RAB3GAP2: variants seen among roughly 807,000 people sequenced by gnomAD.
The protein encoded by RAB3GAP2 is RAB3 GTPase activating non-catalytic protein subunit 2, also known as rab3 GTPase-activating protein non-catalytic subunit.
Under a neutral mutation model 185.3 loss-of-function variants are expected in RAB3GAP2, and 87 were observed. The observed-to-expected ratio is 0.47, with a 90% CI of 0.39 to 0.56. The LOEUF (loss-of-function observed/expected upper bound fraction) is 0.56. Ranked by LOEUF, RAB3GAP2 falls within the 20% of genes least tolerant of loss-of-function variation. The pLI is 0.00. For synonymous variants in RAB3GAP2, 554 were observed against 576.1 expected (o/e 0.96, Z 0.55); for missense variants, 1,492 against 1,638.2 (o/e 0.91, Z 1.54).
chr1:220,195,510 G>A, intron 10 of RAB3GAP2, 133 bp from the exon 11 acceptor site: 1 of 810,512 alleles, frequency 1.2e-6, no homozygotes, highest in Non-Finnish European at 2.1e-6. Context: ...TTCTTTCAGA[G>A]TACAGTAAAA....
intron 2 of RAB3GAP2, among the ~76,000 whole-genome samples, chr1:220,225,448 C>T (rs1003624320): frequency 3.9e-5 from 6 of 152,148 alleles, no homozygotes; most frequent in Admixed American, 3.9e-4. Context: ...GCGCTATTGA[C>T]ATCTGGGGCC....
At chr1:220,253,206 G>A (rs1659971026) in intron 1 of RAB3GAP2, among the ~76,000 whole-genome samples, 1 of 152,188 alleles carries the variant, frequency 6.6e-6, no homozygotes, top group African/African-American at 2.4e-5. Context: ...CACTGGGTGG[G>A]ACCTCCCAAC....
In RAB3GAP2 at chr1:220,232,842, T is replaced by C; in HGVS notation, c.137A>G (p.Asp46Gly). The change falls in exon 2 of 35, where the codon GAT (aspartate) becomes GGT (glycine). Residue 46 changes from aspartate (D) to glycine (G), a missense_variant. Asp to Gly is a moderately conservative substitution (Grantham distance 94). Around this residue, in one of 5 missense-constraint regions of RAB3GAP2, gnomAD observed 177 missense variants for 160.6 expected, o/e 1.10. Coordinates refer to ENST00000358951, the MANE Select transcript of RAB3GAP2 (RefSeq NM_012414.4). ...RDPSKSTDWE[D>G]DGWGAWEENE... ...TTCTTCCCATGCTCCCCAACCATCA[T>C]CTTCCCAGTCTGTTGATTTACCTGT... The C allele has an allele frequency of 6.2e-7, 1 of 1,613,880 alleles. No homozygotes were observed. The highest frequency in any genetic ancestry group is 8.5e-7 in the Non-Finnish European group (1 of 1,179,808).
chr1:220,188,362 T>C (rs886642689), intron 17 of RAB3GAP2, among the ~76,000 whole-genome samples: 20 of 152,170 alleles, frequency 1.3e-4, no homozygotes, highest in Non-Finnish European at 1.5e-5. Flanking sequence ...TATCCAGTTT[T>C]GATTGAAAGT....
intron 17 of RAB3GAP2, among the ~76,000 whole-genome samples, chr1:220,187,816 AGTAAAAC>A (rs1658533264): frequency 6.6e-6 from 1 of 152,176 alleles, no homozygotes; most frequent in African/African-American, 2.4e-5. Context: ...TAAACGTTCA[AGTAAAAC>A]GTTTCCCTGA....
Position 220,151,595 on chromosome 1 carries a change from A to G in RAB3GAP2, c.4026+11T>C. ...ATGACCTTTTGCCTGATCTCGTTCT[A>G]TTGTACTGACCATTGCTTTCAGCCA... On this transcript the variant is annotated intron_variant, in intron 34 of 34. Coordinates refer to ENST00000358951, the MANE Select transcript of RAB3GAP2 (RefSeq NM_012414.4). The G allele has an allele frequency of 1.2e-6, 2 of 1,605,600 alleles. No homozygotes were observed. Among genetic ancestry groups the G allele is most frequent in the East Asian group, 2.2e-5 (1 of 44,834 alleles).
intron 6 of RAB3GAP2, 69 bp from the exon 7 acceptor site, chr1:220,210,558 C>T (rs759178363): frequency 1.2e-4 from 147 of 1,207,004 alleles, no homozygotes; most frequent in Non-Finnish European, 1.7e-4. Flanking sequence ...TATGGCCAGG[C>T]AAAGAGTACC....
At chr1:220,157,126 C>A (rs1396347060) in intron 31 of RAB3GAP2, 144 bp downstream of exon 31, 1 of 756,422 alleles carries the variant, frequency 1.3e-6, no homozygotes, top group Non-Finnish European at 2.3e-6. Flanking sequence ...AGAACGGAAT[C>A]AAGCAGGGAA....
chr1:220,152,452 C>T (rs770903338), intron 33 of RAB3GAP2, among the ~76,000 whole-genome samples: 1 of 152,214 alleles, frequency 6.6e-6, no homozygotes, highest in Non-Finnish European at 1.5e-5. Context: ...CCCGGGCCAG[C>T]CTCCCTGCCT....
chr1:220,241,619 T>C (rs1300766223), intron 1 of RAB3GAP2, among the ~76,000 whole-genome samples: 2 of 152,010 alleles, frequency 1.3e-5, no homozygotes, highest in Non-Finnish European at 2.9e-5. Flanking sequence ...GTCTAAAGAA[T>C]AGAGAAGCTG....
chr1:220,188,550 T>C (rs1392290982), intron 17 of RAB3GAP2, among the ~76,000 whole-genome samples: 1 of 152,140 alleles, frequency 6.6e-6, no homozygotes, highest in Admixed American at 6.5e-5. Flanking sequence ...GGCAATACCA[T>C]GGAATATTGA....
intron 1 of RAB3GAP2, among the ~76,000 whole-genome samples, chr1:220,236,950 G>A (rs1307642702): frequency 2.0e-5 from 3 of 152,096 alleles, no homozygotes; most frequent in Admixed American, 1.3e-4. Flanking sequence ...CAAACTCTAC[G>A]TCATCATGAA....
intron 21 of RAB3GAP2, among the ~76,000 whole-genome samples, chr1:220,180,643 T>C (rs1053606021): frequency 6.6e-6 from 1 of 152,214 alleles, no homozygotes; most frequent in Non-Finnish European, 1.5e-5. Context: ...GCTGAATTCT[T>C]TCAAACATTC....
At chr1:220,247,141 C>T (rs1256716599) in intron 1 of RAB3GAP2, among the ~76,000 whole-genome samples, 1 of 152,164 alleles carries the variant, frequency 6.6e-6, no homozygotes, top group Non-Finnish European at 1.5e-5. Context: ...AAAAGGGACA[C>T]TCTTACACTG....
At chr1:220,254,374 C>A in intron 1 of RAB3GAP2, 4 of 1,613,036 alleles carry the variant, frequency 2.5e-6, no homozygotes, top group Non-Finnish European at 3.4e-6. Flanking sequence ...ATTATTTGTA[C>A]GAATTGGAGC....
At chr1:220,202,996 A>G (rs1227130743) in intron 8 of RAB3GAP2, among the ~76,000 whole-genome samples, 1 of 152,192 alleles carries the variant, frequency 6.6e-6, no homozygotes, top group African/African-American at 2.4e-5. Context: ...ACTGCATGTG[A>G]TGCCAAGTAA....
chr1:220,168,399 CTTT>C (rs746471692), intron 24 of RAB3GAP2, among the ~76,000 whole-genome samples: 2 of 139,030 alleles, frequency 1.4e-5, no homozygotes, highest in Non-Finnish European at 1.6e-5. Context: ...GTAAATATTC[CTTT>C]TTTTTTTTTT....
chr1:220,210,549 ATGGC>A, intron 6 of RAB3GAP2, 60 bp from the exon 7 acceptor site: 1 of 1,311,850 alleles, frequency 7.6e-7, no homozygotes, highest in Non-Finnish European at 1.1e-6. Flanking sequence ...CTTAGCAGGT[ATGGC>A]CAGGCAAAGA....
intron 22 of RAB3GAP2, 100 bp downstream of exon 22, chr1:220,172,537 C>G (rs553891679): frequency 1.3e-6 from 1 of 793,052 alleles, no homozygotes; most frequent in East Asian, 2.6e-5. Context: ...GTTTTGTACA[C>G]TACAGACTCC....
Sources: allele counts gnomAD v4.1 joint callset (sites outside exome capture counted in the v4.1 genomes callset), GRCh38; gene constraint gnomAD v4.1.1; regional missense constraint gnomAD v4.1.1; transcripts MANE v1.5; gene names NCBI Gene and HGNC (gene_info 2026-07-23, HGNC 2026-07-21).